GRIK2: variants seen among roughly 807,000 people sequenced by gnomAD.
GRIK2 encodes the protein glutamate ionotropic receptor kainate type subunit 2.
Under a neutral mutation model 100.3 loss-of-function variants are expected in GRIK2, and 32 were observed. That is an observed-to-expected ratio of 0.32 (90% CI 0.24 to 0.43). GRIK2 has a LOEUF of 0.43. Ranked by LOEUF, GRIK2 falls within the 20% of genes least tolerant of loss-of-function variation. GRIK2 has a pLI of 1.00. For synonymous variants in GRIK2, 417 were observed against 389.4 expected, an observed-to-expected ratio of 1.07 and a Z score of -0.83; for missense variants, 843 against 1,114.9, an observed-to-expected ratio of 0.76 and a Z score of 3.47.
intron 14 of GRIK2, among the ~76,000 whole-genome samples, chr6:101,948,108 TA>T (rs1791384893): frequency 6.6e-6 from 1 of 152,170 alleles, no homozygotes. Flanking sequence ...AAAATATTCC[TA>T]TTACCTTTAA....
chr6:101,723,444 C>T (rs910422826), intron 7 of GRIK2, among the ~76,000 whole-genome samples: 1 of 151,836 alleles, frequency 6.6e-6, no homozygotes, highest in African/African-American at 2.4e-5. Flanking sequence ...TAGTAGATTG[C>T]AAAATACCTT....
chr6:102,055,555 C>G lies in GRIK2; in HGVS notation c.2537C>G (p.Ser846Cys). ...FVAVGEFLYKSKKNAQLEKRS... is the reference protein window; with the variant it reads ...FVAVGEFLYKCKKNAQLEKRS... ...GCAGTGGGAGAATTTTTATACAAAT[C>G]CAAAAAAAACGCTCAATTGGAAAAG... Residue 846 changes from serine to cysteine, a missense_variant, in exon 16 of 17, where the codon TCC (serine) becomes TGC (cysteine). Physicochemically the swap from Ser to Cys is moderately radical, Grantham distance 112 (BLOSUM62 -1). Around this residue, in one of 3 missense-constraint regions of GRIK2, gnomAD observed 87 missense variants for 83.2 expected, o/e 1.05. Coordinates refer to ENST00000369134, the MANE Select transcript of GRIK2 (RefSeq NM_021956.5). 1 of 1,604,350 alleles carries G rather than the reference C, an allele frequency of 6.2e-7. No individual in the cohort carries two copies. Among genetic ancestry groups the G allele is most frequent in the Admixed American group, 1.7e-5 (1 of 59,038 alleles).
chr6:102,060,839 T>C (rs909843829), intron 16 of GRIK2, among the ~76,000 whole-genome samples: 2 of 150,738 alleles, frequency 1.3e-5, no homozygotes, highest in African/African-American at 4.8e-5. Flanking sequence ...ATATTACTTT[T>C]TCTTAAAATG....
chr6:101,705,936 C>A (rs1222587826), intron 7 of GRIK2, among the ~76,000 whole-genome samples: 2 of 151,818 alleles, frequency 1.3e-5, no homozygotes, highest in Non-Finnish European at 2.9e-5. Flanking sequence ...AGGAGACATG[C>A]AGATTTTAAT....
intron 12 of GRIK2, chr6:101,890,085 T>C (rs1297125003): frequency 1.8e-5 from 8 of 452,144 alleles, no homozygotes; most frequent in African/African-American, 8.0e-5. Context: ...ATAAGTGTTA[T>C]AGGGATTACT....
intron 2 of GRIK2, among the ~76,000 whole-genome samples, chr6:101,553,840 A>G (rs989061984): frequency 2.0e-5 from 3 of 152,222 alleles, no homozygotes; most frequent in Admixed American, 6.5e-5. Flanking sequence ...AAAACAGGAA[A>G]AAGCAGAATG....
At chr6:102,064,318 TC>T (rs1245010479) in intron 16 of GRIK2, among the ~76,000 whole-genome samples, 1 of 145,934 alleles carries the variant, frequency 6.9e-6, no homozygotes, top group African/African-American at 2.6e-5. Flanking sequence ...CTTCTCCTCC[TC>T]CTTCCTTTCC....
chr6:101,502,785 A>G (rs1773828500), intron 2 of GRIK2, among the ~76,000 whole-genome samples: 1 of 152,170 alleles, frequency 6.6e-6, no homozygotes, highest in East Asian at 1.9e-4. Flanking sequence ...TCAATGGCAA[A>G]AAACTTACTT....
chr6:101,412,316 T>A (rs1273590152), intron 2 of GRIK2, among the ~76,000 whole-genome samples: 1 of 152,104 alleles, frequency 6.6e-6, no homozygotes, highest in East Asian at 1.9e-4. Context: ...AAATTATTGA[T>A]ATCTAAGTGT....
chr6:101,958,908 T>C lies in GRIK2; in HGVS notation c.2085+30276T>C, dbSNP rs140424092. Among the ~76,000 whole-genome samples the C allele has an allele frequency of 2.0e-3, 312 of 152,256 alleles. 3 individuals are homozygous for C. The highest frequency in any genetic ancestry group is 7.0e-3 in the African/African-American group (291 of 41,576). On this transcript the variant is annotated intron_variant, in intron 14 of 16. Transcript: ENST00000369134. Reference sequence around the variant, plus strand: ...ATTATGGTGTATTACATTTCTGATGTACTGTTGCATTTGGCTTGCTAGTAT... The same window carrying C: ...ATTATGGTGTATTACATTTCTGATGCACTGTTGCATTTGGCTTGCTAGTAT...
chr6:101,740,287 A>T (rs1204900894), intron 7 of GRIK2, among the ~76,000 whole-genome samples: 1 of 152,160 alleles, frequency 6.6e-6, no homozygotes, highest in African/African-American at 2.4e-5. Flanking sequence ...TTGGCTATAA[A>T]ATAGCATTGT....
chr6:102,051,176 T>A (rs1435908922), intron 15 of GRIK2, among the ~76,000 whole-genome samples: 1 of 152,094 alleles, frequency 6.6e-6, no homozygotes. Flanking sequence ...GAGCATCAGG[T>A]CTTATACATC....
chr6:101,757,361 G>A (rs1399329126), intron 7 of GRIK2, among the ~76,000 whole-genome samples: 1 of 151,738 alleles, frequency 6.6e-6, no homozygotes, highest in East Asian at 1.9e-4. Context: ...AATATAGTAA[G>A]GAAGAAAAAT....
intron 14 of GRIK2, 92 bp from the exon 15 acceptor site, chr6:102,035,249 G>T: frequency 1.8e-6 from 1 of 548,058 alleles, no homozygotes. Context: ...TACAAGTAAA[G>T]TAAATGTAGT....
chr6:101,420,665 T>C (rs1177492431), intron 2 of GRIK2, among the ~76,000 whole-genome samples: 1 of 152,164 alleles, frequency 6.6e-6, no homozygotes, highest in Non-Finnish European at 1.5e-5. Flanking sequence ...ATTATCCTAA[T>C]GTATTTGTTA....
chr6:101,914,992 C>T (rs1439160935), intron 12 of GRIK2, among the ~76,000 whole-genome samples: 8 of 151,444 alleles, frequency 5.3e-5, no homozygotes, highest in Non-Finnish European at 7.4e-5. Flanking sequence ...GTATAGAAAA[C>T]GCATTATAGC....
At chr6:101,539,424 CTTTTA>C (rs1475774135) in intron 2 of GRIK2, among the ~76,000 whole-genome samples, 1 of 151,620 alleles carries the variant, frequency 6.6e-6, no homozygotes, top group Non-Finnish European at 1.5e-5. Flanking sequence ...TACTTGAAGG[CTTTTA>C]TTTTAAAGTT....
intron 10 of GRIK2, among the ~76,000 whole-genome samples, chr6:101,836,689 A>G (rs1335466333): frequency 2.9e-5 from 2 of 68,452 alleles, no homozygotes; most frequent in South Asian, 9.7e-4. Context: ...TTTTTGAGAC[A>G]GAGTCTCACT....
chr6:102,029,956 TTTAA>T (rs776748839), intron 14 of GRIK2, among the ~76,000 whole-genome samples: 21 of 151,226 alleles, frequency 1.4e-4, no homozygotes, highest in Admixed American at 1.3e-4. Flanking sequence ...TCATAATCAG[TTTAA>T]TTAACATATC....
Sources: allele counts gnomAD v4.1 joint callset (sites outside exome capture counted in the v4.1 genomes callset), GRCh38; gene constraint gnomAD v4.1.1; regional missense constraint gnomAD v4.1.1; transcripts MANE v1.5; gene names NCBI Gene and HGNC (gene_info 2026-07-23, HGNC 2026-07-21).